Variants in KIDINS220 observed in about 807,000 individuals in gnomAD.
KIDINS220 encodes kinase D-interacting substrate of 220 kDa.
In KIDINS220, 63 loss-of-function variants were observed where a neutral mutation model predicts 157.6. That is an observed-to-expected ratio of 0.40 (90% CI 0.33 to 0.49). The LOEUF (loss-of-function observed/expected upper bound fraction) is 0.49. KIDINS220 is among the 20% of genes least tolerant of loss of function. KIDINS220 has a pLI of 0.66. For synonymous variants in KIDINS220, 732 were observed against 783.6 expected (o/e 0.93, Z 1.10); for missense variants, 1,772 against 2,171.2 (o/e 0.82, Z 3.65).
At chr2:8,807,358 C>A (rs77490578) in intron 6 of KIDINS220, among the ~76,000 whole-genome samples, 9,639 of 152,128 alleles carry the variant, frequency 0.063, 976 homozygotes, top group African/African-American at 0.21. Context: ...GTACATGGAG[C>A]CCACAGATAA....
intron 22 of KIDINS220, chr2:8,757,443 C>G: frequency 2.3e-6 from 3 of 1,307,978 alleles, no homozygotes; most frequent in Non-Finnish European, 2.0e-6. Flanking sequence ...TCATGAGAAG[C>G]ACACTTGATT....
At chr2:8,757,568 C>T in intron 22 of KIDINS220, 1 of 1,520,090 alleles carries the variant, frequency 6.6e-7, no homozygotes, top group African/African-American at 1.4e-5. Context: ...AAGGCCAGTA[C>T]CTCTGGTTGC....
intron 22 of KIDINS220, among the ~76,000 whole-genome samples, chr2:8,768,711 T>C (rs941314697): frequency 6.6e-6 from 1 of 152,168 alleles, no homozygotes; most frequent in Non-Finnish European, 1.5e-5. Context: ...AATAAAACTT[T>C]CTCTTATTCA....
In KIDINS220 at chr2:8,747,076, T is replaced by G. The variant is rs774750877; in HGVS notation, c.3585+69A>C. The G allele has an allele frequency of 2.9e-6, 4 of 1,402,102 alleles. No homozygotes were observed. The African/African-American group carries it at 5.7e-5, about 20-fold the overall frequency. 86.9% of individuals were successfully genotyped at this position (1,402,102 alleles called of 1,614,324 possible). On this transcript the variant is annotated intron_variant, in intron 26 of 29. Coordinates refer to ENST00000256707, the MANE Select transcript of KIDINS220 (RefSeq NM_020738.4). ...GTTAGTGAGCTGCTATCATCACAAT[T>G]AAGACAGTCATTACTGAGGCAGAAG... is the stretch of plus-strand genomic sequence containing the variant.
At chr2:8,826,659 T>C (rs1261067628) in intron 2 of KIDINS220, 2 of 173,062 alleles carry the variant, frequency 1.2e-5, no homozygotes, top group African/African-American at 4.7e-5. Flanking sequence ...ATCCCTGATT[T>C]TGTCTGGTTA....
intron 24 of KIDINS220, 58 bp from the exon 25 acceptor site, chr2:8,748,058 G>T: frequency 9.9e-7 from 1 of 1,009,778 alleles, no homozygotes; most frequent in Non-Finnish European, 1.4e-6. Context: ...AAAGTGTAAT[G>T]AGATTTTTCA....
At chr2:8,796,619 T>G (rs1232771390) in intron 11 of KIDINS220, 152 bp downstream of exon 11, 1 of 686,544 alleles carries the variant, frequency 1.5e-6, no homozygotes, top group African/African-American at 1.8e-5. Flanking sequence ...CTCAGCACAC[T>G]ACTGTGTGGG....
intron 2 of KIDINS220, 198 bp downstream of exon 2, chr2:8,826,786 AAC>A: frequency 3.0e-6 from 1 of 336,656 alleles, no homozygotes; most frequent in Non-Finnish European, 5.4e-6. Context: ...ATCTAAATTC[AAC>A]AGTCATTTAT....
chr2:8,814,711 A>G (rs1364696411), intron 4 of KIDINS220, among the ~76,000 whole-genome samples: 3 of 152,258 alleles, frequency 2.0e-5, no homozygotes, highest in Non-Finnish European at 4.4e-5. Flanking sequence ...GTGTCAAAGT[A>G]TCTTCCCCCA....
At chr2:8,833,887 C>T (rs1680011239) in intron 1 of KIDINS220, among the ~76,000 whole-genome samples, 1 of 152,192 alleles carries the variant, frequency 6.6e-6, no homozygotes, top group South Asian at 2.1e-4. Context: ...ATTCAAAATG[C>T]TTTCACCAAA....
At position 8,789,433 on chromosome 2, in the gene KIDINS220, G is replaced by A. The variant is rs368602098; in HGVS notation, c.1621+447C>T. Reference sequence around the variant, plus strand: ...CTCCCGAGTAGCTGGGACTACAGGCGCCCGCCATCTTGCCCGGCTAATTTT... The same window carrying A: ...CTCCCGAGTAGCTGGGACTACAGGCACCCGCCATCTTGCCCGGCTAATTTT... On this transcript the variant is annotated intron_variant, in intron 14 of 29. Coordinates refer to ENST00000256707, the MANE Select transcript of KIDINS220 (RefSeq NM_020738.4). Among the ~76,000 whole-genome samples the A allele has an allele frequency of 5.2e-3, 794 of 151,680 alleles. 2 individuals are homozygous for A. Among genetic ancestry groups the A allele is most frequent in the Non-Finnish European group, 7.5e-3 (510 of 67,884 alleles).
intron 6 of KIDINS220, among the ~76,000 whole-genome samples, chr2:8,809,382 T>C (rs1425719434): frequency 6.6e-6 from 1 of 152,162 alleles, no homozygotes; most frequent in African/African-American, 2.4e-5. Context: ...TATCTTGAAC[T>C]ATATTGACTG....
In KIDINS220 at chr2:8,784,176, GAAC is replaced by G. The variant is rs561848263; in HGVS notation, c.2229+1562_2229+1564del. ...ATAGCGTTTTTAACAAATGGTGCTG[GAAC>G]AACTGGAAACAAAAAAAAAAAAAGA... On this transcript the variant is annotated intron_variant, in intron 17 of 29. Transcript: ENST00000256707. 6.2e-5 allele frequency among the ~76,000 whole-genome samples: 9 copies of G among 146,020 alleles called. No individual in the cohort carries two copies. In the East Asian group the frequency reaches 1.8e-3, roughly 29 times the overall value.
In KIDINS220 at chr2:8,813,510, T is replaced by C. The variant is rs549740958; in HGVS notation, c.307-175A>G. On this transcript the variant is annotated intron_variant, in intron 4 of 29. Coordinates refer to ENST00000256707, the MANE Select transcript of KIDINS220 (RefSeq NM_020738.4). ...CAAATACAATAGTACATGAAATAAG[T>C]CAAATCTCTTGCATCCACAAATGGT... Among the ~76,000 whole-genome samples the C allele has an allele frequency of 5.9e-5, 9 of 152,344 alleles. No individual in the cohort carries two copies. In the South Asian group the frequency reaches 1.9e-3, roughly 32 times the overall value.
chr2:8,836,912 A>C (rs1680496560), intron 1 of KIDINS220, among the ~76,000 whole-genome samples: 1 of 152,222 alleles, frequency 6.6e-6, no homozygotes, highest in Non-Finnish European at 1.5e-5. Flanking sequence ...CCAACATTAC[A>C]AAGTGATGAA....
At chr2:8,780,510 G>A (rs1211993318) in intron 17 of KIDINS220, among the ~76,000 whole-genome samples, 1 of 79,600 alleles carries the variant, frequency 1.3e-5, no homozygotes, top group African/African-American at 7.1e-5. Flanking sequence ...TTATATATGT[G>A]TGTGTGTGTC....
chr2:8,749,542 T>C (rs371204485), intron 24 of KIDINS220: 1 of 358,916 alleles, frequency 2.8e-6, no homozygotes, highest in South Asian at 2.1e-5. Context: ...TCTGGGAAAT[T>C]ATCCTATTTA....
chr2:8,828,321 T>C (rs917102930), intron 1 of KIDINS220, among the ~76,000 whole-genome samples: 1 of 152,196 alleles, frequency 6.6e-6, no homozygotes, highest in Non-Finnish European at 1.5e-5. Flanking sequence ...TCACCGGATG[T>C]GGGATGTCAG....
chr2:8,815,856 G>T (rs1231622313), intron 4 of KIDINS220, among the ~76,000 whole-genome samples: 1 of 152,086 alleles, frequency 6.6e-6, no homozygotes, highest in African/African-American at 2.4e-5. Context: ...CACAGGAAGA[G>T]TCCTCACTAG....
Sources: gnomAD v4.1 joint callset for allele counts (sites outside exome capture counted in the v4.1 genomes callset) on GRCh38, gnomAD v4.1.1 for gene constraint, MANE v1.5 for transcripts, NCBI Gene and HGNC (gene_info 2026-07-23, HGNC 2026-07-21) for gene names.